POLQ: variants seen among roughly 807,000 people sequenced by gnomAD.
The protein encoded by POLQ is epididymis secretory sperm binding protein.
A neutral mutation model predicts 259.2 loss-of-function variants in POLQ; 233 were observed. The ratio of observed to expected loss-of-function variants is 0.90; its 90% confidence interval spans 0.81 to 1.00. POLQ has a LOEUF of 1.00. Ranked by LOEUF, POLQ falls within the 50% of genes least tolerant of loss-of-function variation. The pLI, the probability that POLQ is intolerant of heterozygous loss-of-function variation, is 0.00. For missense variants in POLQ, 2,871 were observed against 3,051.6 expected (o/e 0.94, Z 1.39); for synonymous variants, 1,025 against 1,048.8 (o/e 0.98, Z 0.44).
In POLQ at chr3:121,436,218, T is replaced by C. The variant is rs2047543131; in HGVS notation, c.7447A>G (p.Ile2483Val). The change falls in exon 28 of 30, where the codon ATA becomes GTA. Residue 2483 changes from isoleucine (I) to valine (V), a missense_variant. This residue lies in a region of POLQ where 2,080 missense variants were observed against 2,126.0 expected (regional missense o/e 0.98). Transcript: ENST00000264233. ...VQGSAADIVK[I>V]ATVNIQKQLE... is the part of the protein sequence containing the mutation. ...TGCTTCTGAATGTTAACTGTGGCTATTTTGACAATATCAGCTGCTGATCCT... is the reference window on the plus strand; with the variant it reads ...TGCTTCTGAATGTTAACTGTGGCTACTTTGACAATATCAGCTGCTGATCCT... 6.2e-7 allele frequency: 1 copy of C among 1,613,868 alleles called. No homozygotes were observed. The highest frequency in any genetic ancestry group is 1.1e-5 in the South Asian group (1 of 91,076).
Position 121,485,112 on chromosome 3 carries a change from A to G in POLQ, c.5702T>C (p.Val1901Ala). Residue 1901 changes from valine (V) to alanine (A), a missense_variant, in exon 17 of 30, where the codon GTT (valine) becomes GCT (alanine). By Grantham distance (64) the Val-to-Ala change is moderately conservative (BLOSUM62 0). Coordinates refer to ENST00000264233, the MANE Select transcript of POLQ (RefSeq NM_199420.4). ...PIKGCDDTLV[V>A]GLAVCWGGRD... ...TCCACCCCAGCATACTGCCAGTCCAACCACCAAGGTGTCATCACAACCTTT... is the reference window on the plus strand; with the variant it reads ...TCCACCCCAGCATACTGCCAGTCCAGCCACCAAGGTGTCATCACAACCTTT... The G allele has an allele frequency of 6.2e-7, 1 of 1,612,194 alleles. No individual in the cohort carries two copies. Among genetic ancestry groups the G allele is most frequent in the African/African-American group, 1.3e-5 (1 of 75,008 alleles).
In POLQ at chr3:121,489,797, C is replaced by A; in HGVS notation, c.3134G>T (p.Arg1045Ile). The A allele has an allele frequency of 6.2e-7, 1 of 1,612,858 alleles. No individual in the cohort carries two copies. ...GTCCCTAGATCGCTTTAGATGCTTT[C>A]TACGTTTCCAAGATCGAAAACTTCT... ...MSRSFRSWKR[R>I]KHLKRSRDSS... Residue 1045 changes from arginine (R) to isoleucine (I), a missense_variant, in exon 16 of 30, where the codon AGA (arginine) becomes ATA (isoleucine). Around this residue, in one of 3 missense-constraint regions of POLQ, gnomAD observed 2,080 missense variants for 2,126.0 expected, o/e 0.98. Coordinates refer to ENST00000264233, the MANE Select transcript of POLQ (RefSeq NM_199420.4).
At chr3:121,460,861 C>T (rs2047786224) in intron 24 of POLQ, among the ~76,000 whole-genome samples, 1 of 151,838 alleles carries the variant, frequency 6.6e-6, no homozygotes, top group Non-Finnish European at 1.5e-5. Context: ...CATGACAAAA[C>T]AAAAACAAAG....
intron 7 of POLQ, among the ~76,000 whole-genome samples, chr3:121,527,183 C>T (rs1452577063): frequency 6.6e-6 from 1 of 152,160 alleles, no homozygotes; most frequent in East Asian, 1.9e-4. Context: ...GCCTCAGCCT[C>T]CCAAGTGGCT....
intron 14 of POLQ, among the ~76,000 whole-genome samples, chr3:121,495,391 G>C (rs528125258): frequency 6.6e-6 from 1 of 152,172 alleles, no homozygotes; most frequent in Non-Finnish European, 1.5e-5. Context: ...TCAAAGAAAG[G>C]TTGCTGAGCT....
Position 121,488,352 on chromosome 3 carries a change from A to G in POLQ, c.4579T>C (p.Cys1527Arg). The part of the protein sequence containing the change: ...VTSNHFSDSL[C>R]LQEDLIKKSN... ...TTTTTAATTAGGTCTTCTTGTAGAC[A>G]CAGAGAATCACTAAAATGGTTTGAT... Residue 1527 changes from cysteine to arginine, a missense_variant, in exon 16 of 30, where the codon TGT (cysteine) becomes CGT (arginine). Cys to Arg is a radical substitution (Grantham distance 180). This residue lies in a region of POLQ where 2,080 missense variants were observed against 2,126.0 expected (regional missense o/e 0.98). Coordinates refer to ENST00000264233, the MANE Select transcript of POLQ (RefSeq NM_199420.4). 1 of 1,612,746 alleles carries G rather than the reference A, an allele frequency of 6.2e-7. No homozygotes were observed. Among genetic ancestry groups the G allele is most frequent in the East Asian group, 2.2e-5 (1 of 44,852 alleles).
In POLQ at chr3:121,529,790, T is replaced by C; in HGVS notation, c.963A>G (p.Gly321=). The C allele has an allele frequency of 6.2e-7, 1 of 1,602,356 alleles. No individual in the cohort carries two copies. The highest frequency in any genetic ancestry group is 1.1e-5 in the South Asian group (1 of 89,212). The change falls in exon 7 of 30, where the codon GGA becomes GGG. Residue 321 remains glycine, a splice_region_variant and synonymous_variant. Coordinates refer to ENST00000264233, the MANE Select transcript of POLQ (RefSeq NM_199420.4). ...REFEPMLQVK[G]DEDHVVSLCY... is the part of the protein sequence containing the mutation. ...ATAAACTAACAACATGGTCCTCATC[T>C]CCCTAAAACAGAAAGATAAATAACC...
chr3:121,487,824 T>C lies in POLQ; in HGVS notation c.5107A>G (p.Ser1703Gly). 1.9e-6 allele frequency: 3 copies of C among 1,609,626 alleles called. No homozygotes were observed. In the South Asian group the frequency reaches 3.3e-5, roughly 18 times the overall value. ...TTGTTTTCTAGCATCTCAATCTTGCTTTTTACTTCATTATTAGAAGAAAAT... is the reference window on the plus strand; with the variant it reads ...TTGTTTTCTAGCATCTCAATCTTGCCTTTTACTTCATTATTAGAAGAAAAT... ...ISFSSNNEVK[S>G]KIEMLENNAN... The change falls in exon 16 of 30, where the codon AGC becomes GGC. Residue 1703 changes from serine to glycine, a missense_variant. Ser to Gly is a moderately conservative substitution (Grantham distance 56). This residue lies in a region of POLQ where 2,080 missense variants were observed against 2,126.0 expected (regional missense o/e 0.98). Transcript: ENST00000264233.
In POLQ at chr3:121,483,467, G is replaced by A; in HGVS notation, c.5889C>T (p.Val1963=). 1.2e-6 allele frequency: 2 copies of A among 1,605,928 alleles called. No homozygotes were observed. Among genetic ancestry groups the A allele is most frequent in the Non-Finnish European group, 1.7e-6 (2 of 1,177,298 alleles). The change falls in exon 18 of 30, where the codon GTC becomes GTT. Residue 1963 remains valine (V), a synonymous_variant. Transcript: ENST00000264233. ...RKESDKECSV[V]IYDFIQSYKI... Reference sequence around the variant, plus strand: ...TATAGCTCTGGATGAAGTCATAGATGACAACAGAACATTCTTTATCAGATT... The same window carrying A: ...TATAGCTCTGGATGAAGTCATAGATAACAACAGAACATTCTTTATCAGATT...
At chr3:121,448,781 T>C (rs908714440) in intron 26 of POLQ, among the ~76,000 whole-genome samples, 21 of 152,152 alleles carry the variant, frequency 1.4e-4, no homozygotes, top group Non-Finnish European at 2.9e-4. Context: ...TATATCTTGG[T>C]TGTGGTGTAA....
In POLQ at chr3:121,476,544, G is replaced by A. The variant is rs1256720258; in HGVS notation, c.6401C>T (p.Ala2134Val). The change falls in exon 20 of 30, where the codon GCT (alanine) becomes GTT (valine). Residue 2134 changes from alanine (A) to valine (V), a missense_variant. This residue lies in a region of POLQ where 2,080 missense variants were observed against 2,126.0 expected (regional missense o/e 0.98). Transcript: ENST00000264233. ...SFSFTSSDDIAEVLFLELKLP... is the reference protein window; with the variant it reads ...SFSFTSSDDIVEVLFLELKLP... ...TCCCTAGCCCCATGATACAACCTCA[G>A]CGATGTCATCTGAACTGGTGAAAGA... 4 of 1,610,850 alleles carry A rather than the reference G, an allele frequency of 2.5e-6. No homozygotes were observed. The South Asian group carries it at 4.4e-5, about 18-fold the overall frequency.
chr3:121,472,222 A>G, intron 21 of POLQ, 58 bp from the exon 22 acceptor site: 1 of 805,904 alleles, frequency 1.2e-6, no homozygotes, highest in Non-Finnish European at 1.9e-6. Flanking sequence ...AGCAAGCTAG[A>G]ATCTCTTTTC....
Position 121,485,083 on chromosome 3 carries a change from C to G in POLQ, c.5731G>C (p.Asp1911His), listed in dbSNP as rs772172303. ...VGLAVCWGGR[D>H]AYYFSLQKEQ... ...TTCTGCAGTGAAAAATAATAGGCAT[C>G]CCTTCCACCCCAGCATACTGCCAGT... Residue 1911 changes from aspartate to histidine, a missense_variant, in exon 17 of 30, where the codon GAT (aspartate) becomes CAT (histidine). Coordinates refer to ENST00000264233, the MANE Select transcript of POLQ (RefSeq NM_199420.4). The G allele has an allele frequency of 6.2e-7, 1 of 1,612,904 alleles. No homozygotes were observed. Among genetic ancestry groups the G allele is most frequent in the South Asian group, 1.1e-5 (1 of 90,870 alleles).
In POLQ at chr3:121,493,457, TAGGTAA is replaced by T. The variant is rs1478007985; in HGVS notation, c.2522+15_2522+20del. On this transcript the variant is annotated intron_variant, in intron 15 of 29. Transcript: ENST00000264233. ...TTTTTTTTTATTTCATAAGCCCATG[TAGGTAA>T]AGGTATTTTCTTACCTTTTGAAAGG... The T allele has an allele frequency of 1.3e-6, 2 of 1,579,884 alleles. No homozygotes were observed. Among genetic ancestry groups the T allele is most frequent in the Non-Finnish European group, 1.7e-6 (2 of 1,156,252 alleles).
At chr3:121,518,916 C>T (rs923896054) in intron 9 of POLQ, among the ~76,000 whole-genome samples, 2 of 152,118 alleles carry the variant, frequency 1.3e-5, no homozygotes, top group African/African-American at 4.8e-5. Flanking sequence ...TATAATGATA[C>T]AGCACGTTAG....
rs1207154907 is a variant in POLQ, at chr3:121,489,051, T to C, written c.3880A>G (p.Lys1294Glu). ...NFLNISRLQE[K>E]TGTYTTNKTK... ...TTGTTTGTTGTATAAGTACCTGTTT[T>C]TTCTTGTAGTCTAGAAATATTTAGA... Residue 1294 changes from lysine (K) to glutamate (E), a missense_variant, in exon 16 of 30, where the codon AAA (lysine) becomes GAA (glutamate). Transcript: ENST00000264233. 1 of 1,613,356 alleles carries C rather than the reference T, an allele frequency of 6.2e-7. No individual in the cohort carries two copies. The highest frequency in any genetic ancestry group is 1.3e-5 in the African/African-American group (1 of 74,880).
At chr3:121,472,826 C>CTAAA (rs1483255801) in intron 21 of POLQ, among the ~76,000 whole-genome samples, 10 of 152,232 alleles carry the variant, frequency 6.6e-5, no homozygotes, top group Admixed American at 1.3e-4. Flanking sequence ...CCTGAAACAT[C>CTAAA]TGTAAAAATG....
intron 7 of POLQ, among the ~76,000 whole-genome samples, chr3:121,523,832 T>C (rs1028962173): frequency 2.0e-5 from 3 of 152,210 alleles, no homozygotes; most frequent in Non-Finnish European, 2.9e-5. Flanking sequence ...TTATATTTCA[T>C]ACATTTTTAA....
intron 25 of POLQ, among the ~76,000 whole-genome samples, chr3:121,452,400 C>T (rs555159227): frequency 2.0e-5 from 3 of 152,198 alleles, no homozygotes; most frequent in African/African-American, 7.2e-5. Context: ...TGTTCCAATT[C>T]GGCCATCTTG....
Sources: gnomAD v4.1 joint callset for allele counts (sites outside exome capture counted in the v4.1 genomes callset) on GRCh38, gnomAD v4.1.1 for gene constraint, gnomAD v4.1.1 regional missense constraint, MANE v1.5 for transcripts, NCBI Gene and HGNC (gene_info 2026-07-23, HGNC 2026-07-21) for gene names.